The following DMXL1 variants were observed in gnomAD, a reference collection of about 807,000 sequenced individuals.
DMXL1 encodes Dmx like 1, also known as dmX-like protein 1.
In DMXL1, 99 loss-of-function variants were observed where a neutral mutation model predicts 319.2. The ratio of observed to expected loss-of-function variants is 0.31; its 90% confidence interval spans 0.26 to 0.37. DMXL1 has a LOEUF of 0.37. DMXL1 is among the 10% of genes least tolerant of loss of function. DMXL1 has a pLI of 1.00. For missense variants in DMXL1, 3,745 were observed against 3,595.6 expected, an observed-to-expected ratio of 1.04 and a Z score of -1.06; for synonymous variants, 1,385 against 1,235.2, an observed-to-expected ratio of 1.12 and a Z score of -2.54.
chr5:119,125,546 A>G (rs558849066), intron 9 of DMXL1, among the ~76,000 whole-genome samples: 12 of 152,122 alleles, frequency 7.9e-5, no homozygotes, highest in East Asian at 1.9e-4. Flanking sequence ...TTGTGTGTGT[A>G]TATATATATG....
At chr5:119,122,140 A>C (rs1260499497) in intron 9 of DMXL1, among the ~76,000 whole-genome samples, 23 of 78,366 alleles carry the variant, frequency 2.9e-4, no homozygotes, top group African/African-American at 6.2e-4. Context: ...CGGGGGGCTG[A>C]CCCCCCCACC....
At position 119,143,998 on chromosome 5, in the gene DMXL1, A is replaced by G. The variant is rs1220581358; in HGVS notation, c.2466+68A>G. On this transcript the variant is annotated intron_variant, in intron 14 of 43. Transcript: ENST00000539542. The stretch of plus-strand genomic sequence containing the variant: ...TATGAAAGCATTTTGCATAAAATCT[A>G]TATATTAATGTAATTTGAAAATTTG... 4 of 993,164 alleles carry G rather than the reference A, an allele frequency of 4.0e-6. No homozygotes were observed. In the African/African-American group the frequency reaches 5.0e-5, roughly 13 times the overall value. The allele number at this position is 993,164 out of a possible 1,614,324, so 61.5% of individuals were successfully genotyped here.
At chr5:119,163,969 C>T (rs961561555) in intron 19 of DMXL1, among the ~76,000 whole-genome samples, 1 of 152,162 alleles carries the variant, frequency 6.6e-6, no homozygotes, top group Non-Finnish European at 1.5e-5. Context: ...ACCTAGGCCT[C>T]CCAAAGTGCT....
intron 19 of DMXL1, among the ~76,000 whole-genome samples, chr5:119,154,301 A>G (rs937153864): frequency 6.6e-6 from 1 of 152,256 alleles, no homozygotes; most frequent in Non-Finnish European, 1.5e-5. Context: ...ATAGGCTGAA[A>G]GCTAAGCCTC....
intron 17 of DMXL1, 117 bp from the exon 18 acceptor site, chr5:119,148,622 C>T (rs978533175): frequency 1.0e-6 from 1 of 967,900 alleles, no homozygotes; most frequent in Non-Finnish European, 1.5e-6. Context: ...CCAAGATGCC[C>T]CTTTGATTTT....
chr5:119,078,118 T>C (rs1490965277), intron 1 of DMXL1, among the ~76,000 whole-genome samples: 2 of 152,112 alleles, frequency 1.3e-5, no homozygotes, highest in Non-Finnish European at 2.9e-5. Context: ...TTTAAAATCA[T>C]GCACAGCCCA....
At chr5:119,186,891 C>T (rs1180817956) in intron 28 of DMXL1, among the ~76,000 whole-genome samples, 1 of 114,510 alleles carries the variant, frequency 8.7e-6, no homozygotes, top group Non-Finnish European at 1.7e-5. Flanking sequence ...TTAAAAAGTA[C>T]GGGAAGGGGA....
At chr5:119,154,230 C>T (rs1191313741) in intron 19 of DMXL1, among the ~76,000 whole-genome samples, 1 of 152,144 alleles carries the variant, frequency 6.6e-6, no homozygotes, top group Non-Finnish European at 1.5e-5. Flanking sequence ...GCATATCTCT[C>T]CCTTTAAATC....
intron 39 of DMXL1, among the ~76,000 whole-genome samples, chr5:119,234,853 A>G (rs998494673): frequency 4.6e-5 from 7 of 152,064 alleles, no homozygotes; most frequent in African/African-American, 1.7e-4. Context: ...TTTTTCAAGA[A>G]CCCTTCAAGG....
rs571596942 is a variant in DMXL1, at chr5:119,197,119, A to G, written c.7544-636A>G. Among the ~76,000 whole-genome samples the G allele has an allele frequency of 2.7e-3, 410 of 152,352 alleles. 2 individuals carry two copies. The highest frequency in any genetic ancestry group is 9.1e-3 in the African/African-American group (378 of 41,588). ...GCAGAACTGCTAAGTGCTGAGTTCC[A>G]TGGCAAGTATTATTTAATTTTAACT... On this transcript the variant is annotated intron_variant, in intron 31 of 43. Transcript: ENST00000539542.
intron 19 of DMXL1, among the ~76,000 whole-genome samples, chr5:119,161,412 G>A (rs1005294521): frequency 2.0e-5 from 3 of 152,220 alleles, no homozygotes; most frequent in African/African-American, 4.8e-5. Flanking sequence ...GTTGCAGGCT[G>A]GCCCCGAGGT....
intron 9 of DMXL1, among the ~76,000 whole-genome samples, chr5:119,123,070 G>A (rs1370819477): frequency 6.6e-6 from 1 of 152,186 alleles, no homozygotes; most frequent in Admixed American, 6.5e-5. Context: ...GGAGGCCGAG[G>A]CTGGTGGATC....
chr5:119,081,977 C>G (rs186778636), intron 1 of DMXL1, among the ~76,000 whole-genome samples: 27 of 143,978 alleles, frequency 1.9e-4, no homozygotes, highest in African/African-American at 6.0e-4. Flanking sequence ...AACTATTTCC[C>G]AGAGGAAGTT....
At chr5:119,183,282 TC>T (rs1461635528) in intron 28 of DMXL1, among the ~76,000 whole-genome samples, 1 of 152,222 alleles carries the variant, frequency 6.6e-6, no homozygotes, top group East Asian at 1.9e-4. Context: ...TTGCTAACAT[TC>T]CTTTAGCAAA....
At position 119,233,478 on chromosome 5, in the gene DMXL1, A is replaced by G; in HGVS notation, c.8466+11A>G. ...TATCAGGGAAATAAGGTATTATATAAAAATGTAAATGGTAAAAAATTTATT... is the reference window on the plus strand; with the variant it reads ...TATCAGGGAAATAAGGTATTATATAGAAATGTAAATGGTAAAAAATTTATT... On this transcript the variant is annotated intron_variant, in intron 39 of 43. Coordinates refer to ENST00000539542, the MANE Select transcript of DMXL1 (RefSeq NM_001290321.3). 1 of 1,605,324 alleles carries G rather than the reference A, an allele frequency of 6.2e-7. No homozygotes were observed. The highest frequency in any genetic ancestry group is 8.5e-7 in the Non-Finnish European group (1 of 1,174,288).
chr5:119,205,963 A>C (rs1363147291), intron 33 of DMXL1, among the ~76,000 whole-genome samples: 2 of 152,074 alleles, frequency 1.3e-5, no homozygotes, highest in Non-Finnish European at 2.9e-5. Flanking sequence ...GTGATGGGAG[A>C]GTATTCTGAG....
chr5:119,090,903 A>G (rs533738710), intron 1 of DMXL1, among the ~76,000 whole-genome samples: 3 of 151,632 alleles, frequency 2.0e-5, no homozygotes, highest in East Asian at 1.9e-4. Flanking sequence ...CTTTGAGCTC[A>G]CTGATTCTTT....
chr5:119,136,594 G>T (rs910165008), intron 13 of DMXL1, among the ~76,000 whole-genome samples: 1 of 152,258 alleles, frequency 6.6e-6, no homozygotes, highest in Non-Finnish European at 1.5e-5. Flanking sequence ...GGTTTCATGG[G>T]CCAGGCCCAG....
chr5:119,187,344 C>T (rs970889674), intron 28 of DMXL1, among the ~76,000 whole-genome samples: 2 of 152,162 alleles, frequency 1.3e-5, no homozygotes, highest in African/African-American at 4.8e-5. Context: ...GAATGGCAAA[C>T]GTTCTTGATA....
Sources: gnomAD v4.1 joint callset for allele counts (sites outside exome capture counted in the v4.1 genomes callset) on GRCh38, gnomAD v4.1.1 for gene constraint, MANE v1.5 for transcripts, NCBI Gene and HGNC (gene_info 2026-07-23, HGNC 2026-07-21) for gene names.